Variants in AKT1 observed in about 807,000 individuals in gnomAD.
The protein encoded by AKT1 is RAC-alpha serine/threonine-protein kinase.
A neutral mutation model predicts 63.1 loss-of-function variants in AKT1; 21 were observed. That is an observed-to-expected ratio of 0.33 (90% CI 0.24 to 0.48). The LOEUF is 0.48. Ranked by LOEUF, AKT1 falls within the 20% of genes least tolerant of loss-of-function variation. The pLI is 0.99. For missense variants in AKT1, 382 were observed against 666.0 expected (o/e 0.57, Z 4.69); for synonymous variants, 257 against 253.1 (o/e 1.02, Z -0.15).
At chr14:104,782,627 G>A (rs1220487165) in intron 3 of AKT1, among the ~76,000 whole-genome samples, 2 of 152,134 alleles carry the variant, frequency 1.3e-5, no homozygotes, top group African/African-American at 4.8e-5. Context: ...GATGGGCAGA[G>A]GCCCAAATGG....
intron 4 of AKT1, chr14:104,777,268 G>C (rs148209792): frequency 0.014 from 1,622 of 116,802 alleles, 4 homozygotes; most frequent in Non-Finnish European, 0.016. Context: ...CTGGGGCACA[G>C]GCACACCTGG....
At chr14:104,785,481 G>A (rs1053018745) in intron 3 of AKT1, among the ~76,000 whole-genome samples, 1 of 152,182 alleles carries the variant, frequency 6.6e-6, no homozygotes, top group African/African-American at 2.4e-5. Context: ...CACAAGGAGA[G>A]GTGTCTGTTC....
Position 104,769,482 on chromosome 14 carries a change from G to C in AKT1, c.*859C>G. On this transcript the variant is annotated 3_prime_UTR_variant, in exon 15 of 15. Transcript: ENST00000649815. ...CAGCGGCAGCGTCTGGCCAGGAGGC[G>C]TGGAGGGGCCCAGGGATGGCCACCC... The C allele has an allele frequency of 1.9e-6, 1 of 514,982 alleles. No individual in the cohort carries two copies. Among genetic ancestry groups the C allele is most frequent in the Non-Finnish European group, 3.7e-6 (1 of 268,602 alleles). 31.9% of individuals were successfully genotyped at this position (514,982 alleles called of 1,614,324 possible).
intron 3 of AKT1, among the ~76,000 whole-genome samples, chr14:104,781,796 C>T (rs1481763842): frequency 6.6e-6 from 1 of 152,184 alleles, no homozygotes; most frequent in Non-Finnish European, 1.5e-5. Context: ...AGGAAGGGGA[C>T]AGCCACAGCC....
At chr14:104,770,622 C>G (rs1193671319) in intron 14 of AKT1, 123 bp downstream of exon 14, 1 of 1,056,558 alleles carries the variant, frequency 9.5e-7, no homozygotes, top group Non-Finnish European at 1.4e-6. Context: ...TGGCACTCTC[C>G]AAAAGGAACC....
intron 3 of AKT1, among the ~76,000 whole-genome samples, chr14:104,781,320 C>G (rs1302808909): frequency 1.3e-5 from 2 of 152,088 alleles, no homozygotes; most frequent in African/African-American, 4.8e-5. Flanking sequence ...GAGCCCCAGA[C>G]AGGGACACCT....
At position 104,774,329 on chromosome 14, in the gene AKT1, G is replaced by A. The variant is rs1892588771; in HGVS notation, c.634-349C>T. On this transcript the variant is annotated intron_variant, in intron 8 of 14. Coordinates refer to ENST00000649815, the MANE Select transcript of AKT1 (RefSeq NM_001382430.1). ...GTGCCAAGGAGTGTTTGAAAGGTGA[G>A]CAAGGTGGCCTGGGCTCAGGTCCTC... 4.2e-5 allele frequency: 15 copies of A among 361,122 alleles called. No homozygotes were observed. In the South Asian group the frequency reaches 4.6e-4, roughly 11 times the overall value. The allele number at this position is 361,122 out of a possible 1,614,324, so 22.4% of individuals were successfully genotyped here.
At chr14:104,774,244 CCCCA>C in intron 8 of AKT1, 2 of 539,784 alleles carry the variant, frequency 3.7e-6, no homozygotes, top group Admixed American at 3.0e-5. Flanking sequence ...CACCACACTG[CCCCA>C]CACCACACTG....
chr14:104,777,946 G>A (rs573606826), intron 4 of AKT1: 1 of 153,436 alleles, frequency 6.5e-6, no homozygotes, highest in East Asian at 1.9e-4. Context: ...ATCTGCCCCA[G>A]TATGCAATCC....
intron 8 of AKT1, 147 bp downstream of exon 8, chr14:104,774,791 C>T: frequency 1.1e-6 from 1 of 885,310 alleles, no homozygotes; most frequent in South Asian, 1.7e-5. Flanking sequence ...GCCTGACCCT[C>T]CAGGGCAGGC....
Position 104,769,475 on chromosome 14 carries a change from A to G in AKT1, c.*866T>C. On this transcript the variant is annotated 3_prime_UTR_variant, in exon 15 of 15. Transcript: ENST00000649815. ...GCAGCGGCAGCGGCAGCGTCTGGCC[A>G]GGAGGCGTGGAGGGGCCCAGGGATG... 1 of 500,802 alleles carries G rather than the reference A, an allele frequency of 2.0e-6. No individual in the cohort carries two copies. Among genetic ancestry groups the G allele is most frequent in the Non-Finnish European group, 3.8e-6 (1 of 262,698 alleles). 31.0% of individuals were successfully genotyped at this position (500,802 alleles called of 1,614,324 possible).
At chr14:104,774,384 A>G (rs1892591941) in intron 8 of AKT1, 2 of 270,890 alleles carry the variant, frequency 7.4e-6, no homozygotes, top group African/African-American at 2.2e-5. Context: ...AGCAGGGGAC[A>G]GTGCTCCCAG....
At chr14:104,771,456 C>T (rs1332483557) in intron 13 of AKT1, 3 of 232,456 alleles carry the variant, frequency 1.3e-5, no homozygotes, top group Non-Finnish European at 2.5e-5. Flanking sequence ...GGGCTGGGCA[C>T]CAGCATTGTC....
At chr14:104,770,554 C>A in intron 14 of AKT1, 134 bp from the exon 15 acceptor site, 1 of 1,026,804 alleles carries the variant, frequency 9.7e-7, no homozygotes, top group South Asian at 1.6e-5. Flanking sequence ...TGAGACAGGG[C>A]CCCACAGATT....
Position 104,775,211 on chromosome 14 carries a change from T to G in AKT1, c.436-4A>C, listed in dbSNP as rs1060504821. 1.9e-6 allele frequency: 3 copies of G among 1,613,588 alleles called. No individual in the cohort carries two copies. In the African/African-American group the frequency reaches 4.0e-5, roughly 22 times the overall value. On this transcript the variant is annotated splice_region_variant and splice_polypyrimidine_tract_variant and intron_variant, in intron 6 of 14. Transcript: ENST00000649815. ...GGTACTCAAACTCGTTCATGGTCTA[T>G]GGGCAGGCACCAGGGTCAGCAAGCG...
chr14:104,773,148 C>T (rs777807799), intron 11 of AKT1, 56 bp from the exon 12 acceptor site: 557 of 1,610,452 alleles, frequency 3.5e-4, no homozygotes, highest in Non-Finnish European at 4.3e-4. Context: ...GGGACACTGC[C>T]GGGGGAGGTG....
At chr14:104,787,085 G>A (rs1566824365) in intron 3 of AKT1, among the ~76,000 whole-genome samples, 1 of 152,078 alleles carries the variant, frequency 6.6e-6, no homozygotes, top group African/African-American at 2.4e-5. Context: ...CAAACACAGC[G>A]CCCCAAGGAT....
rs1468001776 is a variant in AKT1 at position 104,772,376 on chromosome 14, A to C, written c.1249T>G (p.Tyr417Asp). ...FFAGIVWQHVYEKKLSPPFKP... is the reference protein window; with the variant it reads ...FFAGIVWQHVDEKKLSPPFKP... ...GGGAGCAGCCGCACCTTCTTCTCGT[A>C]CACGTGCTGCCACACGATACCGGCA... is the stretch of plus-strand genomic sequence containing the variant. Residue 417 changes from tyrosine (Y) to aspartate (D), a missense_variant, in exon 13 of 15, where the codon TAC becomes GAC. This residue lies in a region of AKT1 where 90 missense variants were observed against 120.5 expected (regional missense o/e 0.75). Transcript: ENST00000649815. 12 of 1,613,882 alleles carry C rather than the reference A, an allele frequency of 7.4e-6. No homozygotes were observed. Among genetic ancestry groups the C allele is most frequent in the African/African-American group, 1.3e-5 (1 of 75,058 alleles).
At chr14:104,786,087 C>G (rs1234394308) in intron 3 of AKT1, among the ~76,000 whole-genome samples, 4 of 152,178 alleles carry the variant, frequency 2.6e-5, no homozygotes, top group Non-Finnish European at 5.9e-5. Flanking sequence ...AGACCCTGTC[C>G]CTGTCCCTGT....
Sources: gnomAD v4.1 joint callset for allele counts (sites outside exome capture counted in the v4.1 genomes callset) on GRCh38, gnomAD v4.1.1 for gene constraint, gnomAD v4.1.1 regional missense constraint, MANE v1.5 for transcripts, NCBI Gene and HGNC (gene_info 2026-07-23, HGNC 2026-07-21) for gene names.